AHI1: variants seen among roughly 807,000 people sequenced by gnomAD.
AHI1 encodes jouberin.
Under a neutral mutation model 149.3 loss-of-function variants are expected in AHI1, and 123 were observed. That is an observed-to-expected ratio of 0.82 (90% confidence interval 0.71 to 0.96). AHI1 has a LOEUF of 0.96. Ranked by LOEUF, AHI1 falls within the 40% of genes least tolerant of loss-of-function variation. AHI1 has a pLI of 0.00. For synonymous variants in AHI1, 475 were observed against 459.8 expected, an observed-to-expected ratio of 1.03 and a Z score of -0.42; for missense variants, 1,439 against 1,422.7, an observed-to-expected ratio of 1.01 and a Z score of -0.18.
chr6:135,481,948 G>C (rs191443774), intron 5 of AHI1, among the ~76,000 whole-genome samples: 2 of 151,472 alleles, frequency 1.3e-5, no homozygotes, highest in East Asian at 3.9e-4. Context: ...TGAGAAGTCT[G>C]CTGTCATTAT....
chr6:135,336,065 A>T (rs559677224), intron 24 of AHI1, among the ~76,000 whole-genome samples: 2 of 149,814 alleles, frequency 1.3e-5, no homozygotes, highest in African/African-American at 4.9e-5. Flanking sequence ...GTGAGCCAAG[A>T]TCGCACCACT....
At chr6:135,424,274 C>G (rs1783633144) in intron 20 of AHI1, among the ~76,000 whole-genome samples, 1 of 151,842 alleles carries the variant, frequency 6.6e-6, no homozygotes, top group Non-Finnish European at 1.5e-5. Flanking sequence ...ATTGCAGAAA[C>G]TTAAATATAT....
intron 20 of AHI1, among the ~76,000 whole-genome samples, chr6:135,413,685 C>T (rs570843953): frequency 2.1e-4 from 31 of 149,292 alleles, no homozygotes; most frequent in African/African-American, 7.7e-4. Context: ...GATCAAAACA[C>T]AAAAATCATC....
At chr6:135,454,467 C>T (rs1399612447) in intron 10 of AHI1, among the ~76,000 whole-genome samples, 1 of 151,968 alleles carries the variant, frequency 6.6e-6, no homozygotes, top group Non-Finnish European at 1.5e-5. Context: ...ATTTTATCTC[C>T]CTAAAATTTT....
chr6:135,353,782 A>T (rs368249102), intron 24 of AHI1, among the ~76,000 whole-genome samples: 7 of 152,196 alleles, frequency 4.6e-5, no homozygotes, highest in African/African-American at 1.7e-4. Context: ...ACATCTCAGA[A>T]ATATTTCAGA....
chr6:135,410,593 A>G lies in AHI1; in HGVS notation c.2961+755T>C, dbSNP rs112015505. 4.2e-3 allele frequency among the ~76,000 whole-genome samples: 639 copies of G among 152,286 alleles called. 2 individuals carry two copies. The highest frequency in any genetic ancestry group is 0.015 in the African/African-American group (607 of 41,564). On this transcript the variant is annotated intron_variant, in intron 21 of 28. Coordinates refer to ENST00000265602, the MANE Select transcript of AHI1 (RefSeq NM_001134831.2). The stretch of plus-strand genomic sequence containing the variant: ...TTCTGAAATTAGTTCTCTACGCTAC[A>G]CTATTGATCTGGTATTTTAAAGTGT...
chr6:135,410,446 C>A (rs1781424544), intron 21 of AHI1, among the ~76,000 whole-genome samples: 1 of 152,224 alleles, frequency 6.6e-6, no homozygotes, highest in African/African-American at 2.4e-5. Flanking sequence ...TTAAACTTCT[C>A]CAGTCAAAAA....
intron 23 of AHI1, among the ~76,000 whole-genome samples, chr6:135,370,038 TTTTC>T (rs1236463412): frequency 1.3e-5 from 2 of 152,194 alleles, no homozygotes; most frequent in African/African-American, 2.4e-5. Flanking sequence ...TCATTGTTCT[TTTTC>T]TTTGTTATGG....
intron 28 of AHI1, among the ~76,000 whole-genome samples, chr6:135,288,893 A>G (rs1782005039): frequency 6.6e-6 from 1 of 151,994 alleles, no homozygotes; most frequent in Non-Finnish European, 1.5e-5. Context: ...CAAAGAATGG[A>G]TCAATCTTAT....
At chr6:135,465,342 C>T (rs1331824260) in intron 7 of AHI1, among the ~76,000 whole-genome samples, 10 of 152,042 alleles carry the variant, frequency 6.6e-5, no homozygotes, top group Non-Finnish European at 2.9e-5. Context: ...GATTAGAATA[C>T]CAAATTGCCA....
At chr6:135,459,068 C>T (rs1789452294) in intron 8 of AHI1, among the ~76,000 whole-genome samples, 1 of 152,146 alleles carries the variant, frequency 6.6e-6, no homozygotes, top group Admixed American at 6.5e-5. Flanking sequence ...GGACACTGCA[C>T]TCAACATTAG....
At chr6:135,330,445 C>T (rs6912571) in intron 24 of AHI1, among the ~76,000 whole-genome samples, 2,669 of 152,232 alleles carry the variant, frequency 0.018, 75 homozygotes, top group African/African-American at 0.061. Flanking sequence ...ATTTTTTTCA[C>T]TAACGTATGT....
At chr6:135,495,365 T>C (rs4896149) in intron 3 of AHI1, 114,100 of 152,200 alleles carry the variant, frequency 0.75, 48,071 homozygotes, top group Non-Finnish European at 0.92. Context: ...TCCACTGTGT[T>C]CCAGACATGT....
chr6:135,376,868 C>T (rs1449173835), intron 23 of AHI1, among the ~76,000 whole-genome samples: 19 of 99,894 alleles, frequency 1.9e-4, no homozygotes, highest in East Asian at 3.2e-4. Context: ...GGTGACAGAG[C>T]GAGACTCCAT....
At chr6:135,323,128 T>C (rs1562498984) in intron 25 of AHI1, 34 bp downstream of exon 25, 3 of 1,577,294 alleles carry the variant, frequency 1.9e-6, no homozygotes, top group Admixed American at 1.7e-5. Flanking sequence ...AGTTATACCA[T>C]ACTAGTAAAC....
chr6:135,294,557 A>C (rs900871006), intron 27 of AHI1, among the ~76,000 whole-genome samples: 4 of 152,042 alleles, frequency 2.6e-5, no homozygotes, highest in African/African-American at 9.7e-5. Flanking sequence ...AAACCAAAAG[A>C]GAAATAGAAA....
Position 135,459,146 on chromosome 6 carries a change from G to C in AHI1, c.932-1433C>G, listed in dbSNP as rs80125869. On this transcript the variant is annotated intron_variant, in intron 8 of 28. Transcript: ENST00000265602. ...CTGACCATAAAATGGTCATTAAAAA[G>C]GCCTCAATAAACTCAGAGGATTGAA... Among the ~76,000 whole-genome samples, 765 of 152,132 alleles carry C rather than the reference G, an allele frequency of 5.0e-3. 4 individuals carry two copies. The highest frequency in any genetic ancestry group is 0.018 in the African/African-American group (743 of 41,508).
chr6:135,481,738 G>T (rs1583462991), intron 5 of AHI1, among the ~76,000 whole-genome samples: 1 of 143,050 alleles, frequency 7.0e-6, no homozygotes, highest in African/African-American at 2.6e-5. Context: ...TATACTACAG[G>T]TTTACTGACA....
chr6:135,337,532 G>T (rs1458674302), intron 24 of AHI1, among the ~76,000 whole-genome samples: 2 of 151,946 alleles, frequency 1.3e-5, no homozygotes, highest in African/African-American at 4.8e-5. Context: ...GTCAAGGAGG[G>T]AGGATCACCT....
Sources: allele counts gnomAD v4.1 joint callset (sites outside exome capture counted in the v4.1 genomes callset), GRCh38; gene constraint gnomAD v4.1.1; transcripts MANE v1.5; gene names NCBI Gene and HGNC (gene_info 2026-07-23, HGNC 2026-07-21).